The following ERCC2 variants were observed in gnomAD, a reference collection of about 807,000 sequenced individuals.
ERCC2 encodes ERCC excision repair 2, TFIIH core complex helicase subunit, also known as general transcription and DNA repair factor IIH helicase subunit XPD.
In ERCC2, 90 loss-of-function variants were observed where a neutral mutation model predicts 99.4. The ratio of observed to expected loss-of-function variants is 0.91; its 90% confidence interval spans 0.76 to 1.08. ERCC2 has a LOEUF of 1.08. ERCC2 is among the 50% of genes least tolerant of loss of function. The pLI is 0.00. For synonymous variants in ERCC2, 497 were observed against 432.4 expected (o/e 1.15, Z -1.85); for missense variants, 993 against 1,038.1 (o/e 0.96, Z 0.60).
At chr19:45,361,738 C>G in intron 11 of ERCC2, 96 bp from the exon 12 acceptor site, 1 of 956,826 alleles carries the variant, frequency 1.0e-6, no homozygotes, top group South Asian at 1.3e-5. Context: ...GTGCCTGTCT[C>G]CCCAGCCAAT....
In ERCC2 at chr19:45,351,609, T is replaced by G. The variant is rs1332509249; in HGVS notation, c.*20A>C. ...GACTCAGGAGTCACCAGGAACCGTT[T>G]ATGGCCCCACCCGCCCCACTCAGAG... On this transcript the variant is annotated 3_prime_UTR_variant, in exon 23 of 23. Coordinates refer to ENST00000391945, the MANE Select transcript of ERCC2 (RefSeq NM_000400.4). 3 of 1,613,330 alleles carry G rather than the reference T, an allele frequency of 1.9e-6. No homozygotes were observed. Among genetic ancestry groups the G allele is most frequent in the South Asian group, 1.1e-5 (1 of 91,084 alleles).
chr19:45,351,073 T>A lies in ERCC2; in HGVS notation c.*556A>T. ...GAGGCCATGTGGGTAGGTGCAGAGATGAGGCAAAGGCAGGGCGGTCGGGCC... is the reference window on the plus strand; with the variant it reads ...GAGGCCATGTGGGTAGGTGCAGAGAAGAGGCAAAGGCAGGGCGGTCGGGCC... On this transcript the variant is annotated 3_prime_UTR_variant, in exon 23 of 23. Coordinates refer to ENST00000391945, the MANE Select transcript of ERCC2 (RefSeq NM_000400.4). The A allele has an allele frequency of 6.2e-7, 1 of 1,613,502 alleles. No individual in the cohort carries two copies. Among genetic ancestry groups the A allele is most frequent in the South Asian group, 1.1e-5 (1 of 91,024 alleles).
chr19:45,350,776 CCT>C lies in ERCC2; in HGVS notation c.*851_*852del. 3 of 1,584,362 alleles carry C rather than the reference CCT, an allele frequency of 1.9e-6. No individual in the cohort carries two copies. Among genetic ancestry groups the C allele is most frequent in the Non-Finnish European group, 2.6e-6 (3 of 1,162,386 alleles). On this transcript the variant is annotated 3_prime_UTR_variant, in exon 23 of 23. Transcript: ENST00000391945. The stretch of plus-strand genomic sequence containing the variant: ...AGTGTTGATCAGGTCGGCAAAGAGC[CCT>C]GACATCAGCAGAATCCACAGCCCAC...
chr19:45,358,502 T>C (rs1462106122), intron 12 of ERCC2: 1 of 338,836 alleles, frequency 3.0e-6, no homozygotes. Flanking sequence ...CCTGAGTCCC[T>C]GAGTCCAGCC....
intron 5 of ERCC2, 137 bp from the exon 6 acceptor site, chr19:45,365,295 C>T (rs766870957): frequency 2.7e-4 from 189 of 707,186 alleles, no homozygotes; most frequent in African/African-American, 2.1e-3. Context: ...AGTTAAGACG[C>T]GTGGGAACTT....
In ERCC2 at chr19:45,351,389, T is replaced by C; in HGVS notation, c.*240A>G. The C allele has an allele frequency of 2.5e-6, 4 of 1,606,608 alleles. No individual in the cohort carries two copies. The highest frequency in any genetic ancestry group is 3.4e-6 in the Non-Finnish European group (4 of 1,179,844). On this transcript the variant is annotated 3_prime_UTR_variant, in exon 23 of 23. Coordinates refer to ENST00000391945, the MANE Select transcript of ERCC2 (RefSeq NM_000400.4). Reference sequence around the variant, plus strand: ...GTGAACTGCGCTGGCCGCAGCTTCTTGGGAACAGTGCAGGAGGGATGGGCT... The same window carrying C: ...GTGAACTGCGCTGGCCGCAGCTTCTCGGGAACAGTGCAGGAGGGATGGGCT...
chr19:45,369,024 C>A, intron 3 of ERCC2, 32 bp from the exon 4 acceptor site: 1 of 1,614,036 alleles, frequency 6.2e-7, no homozygotes, highest in African/African-American at 1.3e-5. Context: ...AGTCCCTGTC[C>A]CGCCCCTTCC....
rs751306086 is a variant in ERCC2 at position 45,357,547 on chromosome 19, G to T, written c.1308-4C>A. 5 of 1,614,174 alleles carry T rather than the reference G, an allele frequency of 3.1e-6. No individual in the cohort carries two copies. The highest frequency in any genetic ancestry group is 2.2e-5 in the East Asian group (1 of 44,884). On this transcript the variant is annotated splice_region_variant and splice_polypyrimidine_tract_variant and intron_variant, in intron 13 of 22. Transcript: ENST00000391945. ...GGCCAGCGAGGCGTCCATGCAGCTGGAGAGAGATGAGGGCAGTGAGGGCCC... is the reference window on the plus strand; with the variant it reads ...GGCCAGCGAGGCGTCCATGCAGCTGTAGAGAGATGAGGGCAGTGAGGGCCC...
intron 5 of ERCC2, among the ~76,000 whole-genome samples, chr19:45,368,233 AAC>A (rs1972494270): frequency 6.6e-6 from 1 of 152,154 alleles, no homozygotes; most frequent in Non-Finnish European, 1.5e-5. Context: ...CATCGGCTGC[AAC>A]ATTTCACCCA....
At chr19:45,370,503 G>T (rs771873955) in intron 1 of ERCC2, 33 bp downstream of exon 1, 5 of 1,197,572 alleles carry the variant, frequency 4.2e-6, no homozygotes, top group Non-Finnish European at 5.4e-6. Context: ...CCCCGCGCCC[G>T]CTAGCGAGCG....
At chr19:45,355,795 C>T (rs1309469729) in intron 15 of ERCC2, 67 bp from the exon 16 acceptor site, 1 of 1,215,468 alleles carries the variant, frequency 8.2e-7, no homozygotes, top group African/African-American at 1.5e-5. Flanking sequence ...TGCTGACCAC[C>T]TGCTGGTGCT....
In ERCC2 at chr19:45,357,474, C is replaced by T; in HGVS notation, c.1377G>A (p.Gly459=). The T allele has an allele frequency of 5.6e-6, 9 of 1,614,034 alleles. No homozygotes were observed. The highest frequency in any genetic ancestry group is 4.4e-5 in the South Asian group (4 of 91,078). ...ERFQSVIITS[G]TLSPLDIYPK... is the part of the protein sequence containing the mutation. The stretch of plus-strand genomic sequence containing the variant: ...GGAGGGGACGGGGAAGGGTCCTTAC[C>T]CCAGATGTGATGATGACAGACTGGA... Residue 459 remains glycine (G), a splice_region_variant and synonymous_variant, in exon 14 of 23, where the codon GGG becomes GGA. Coordinates refer to ENST00000391945, the MANE Select transcript of ERCC2 (RefSeq NM_000400.4).
chr19:45,354,293 C>T (rs867216740), intron 17 of ERCC2, among the ~76,000 whole-genome samples: 2 of 152,250 alleles, frequency 1.3e-5, no homozygotes, highest in East Asian at 3.8e-4. Context: ...CCTGAAGGGG[C>T]TCCTGCAGAC....
chr19:45,365,060 G>A lies in ERCC2; in HGVS notation c.459C>T (p.Pro153=). The change falls in exon 6 of 23, where the codon CCC becomes CCT. Residue 153 remains proline (P), a synonymous_variant. Coordinates refer to ENST00000391945, the MANE Select transcript of ERCC2 (RefSeq NM_000400.4). ...CAGTAACCTCATAGAATCGGCAGTG[G>A]GGCAGGCTGGTGTCATGCTGGTACT... ...RAQYQHDTSL[P]HCRFYEEFDA... 2 of 1,614,018 alleles carry A rather than the reference G, an allele frequency of 1.2e-6. No homozygotes were observed. Among genetic ancestry groups the A allele is most frequent in the Non-Finnish European group, 1.7e-6 (2 of 1,179,902 alleles).
intron 12 of ERCC2, chr19:45,358,223 T>C (rs1972082337): frequency 1.0e-5 from 2 of 198,988 alleles, no homozygotes; most frequent in Admixed American, 1.1e-4. Flanking sequence ...CCCAGCTAAT[T>C]TCTACATTTT....
At chr19:45,352,875 C>T (rs1283298307) in intron 19 of ERCC2, 59 bp from the exon 20 acceptor site, 3 of 1,511,932 alleles carry the variant, frequency 2.0e-6, no homozygotes, top group Non-Finnish European at 1.8e-6. Flanking sequence ...GGGACAGGGA[C>T]AGCCTCACGC....
At chr19:45,354,547 G>A (rs1440045526) in intron 17 of ERCC2, among the ~76,000 whole-genome samples, 183 bp downstream of exon 17, 3 of 152,194 alleles carry the variant, frequency 2.0e-5, no homozygotes, top group Admixed American at 6.5e-5. Context: ...TTCTCAGCCT[G>A]ATGTACTGGG....
At position 45,350,715 on chromosome 19, in the gene ERCC2, G is replaced by A. The variant is rs1161250836; in HGVS notation, c.*914C>T. 1 of 1,613,384 alleles carries A rather than the reference G, an allele frequency of 6.2e-7. No homozygotes were observed. ...GAGGAAGTGAGAAGCTGGTCTCCCG[G>A]CTCCGAGGCGAGGCGGCGGCAGGAG... is the stretch of plus-strand genomic sequence containing the variant. On this transcript the variant is annotated 3_prime_UTR_variant, in exon 23 of 23. Coordinates refer to ENST00000391945, the MANE Select transcript of ERCC2 (RefSeq NM_000400.4).
chr19:45,364,758 C>G (rs986640774), intron 7 of ERCC2, 80 bp downstream of exon 7: 4 of 1,290,062 alleles, frequency 3.1e-6, no homozygotes, highest in South Asian at 1.2e-5. Flanking sequence ...AAGCAACAGA[C>G]AGACATGGGC....
Sources: allele counts gnomAD v4.1 joint callset (sites outside exome capture counted in the v4.1 genomes callset), GRCh38; gene constraint gnomAD v4.1.1; transcripts MANE v1.5; gene names NCBI Gene and HGNC (gene_info 2026-07-23, HGNC 2026-07-21).